SAMD5: variants seen among roughly 807,000 people sequenced by gnomAD.
SAMD5 encodes the protein sterile alpha motif domain-containing protein 5.
A neutral mutation model predicts 11.3 loss-of-function variants in SAMD5; 13 were observed. The observed-to-expected ratio is 1.15, with a 90% CI of 0.75 to 1.83. The LOEUF is 1.83. Among genes scored for constraint, SAMD5 ranks in the 40% most tolerant of loss-of-function variants. The probability of loss-of-function intolerance (pLI) is 0.00; values close to 1 mark genes in which losing one functional copy is unlikely to be tolerated. For synonymous variants in SAMD5, 129 were observed against 111.3 expected, an observed-to-expected ratio of 1.16 and a Z score of -1.00; for missense variants, 255 against 239.1, an observed-to-expected ratio of 1.07 and a Z score of -0.44.
intron 1 of SAMD5, among the ~76,000 whole-genome samples, chr6:147,537,594 T>C (rs1788530024): frequency 1.9e-5 from 2 of 105,834 alleles, no homozygotes; most frequent in South Asian, 5.6e-4. Context: ...CTACTAAAAA[T>C]ACAAAAAAAA....
intron 1 of SAMD5, among the ~76,000 whole-genome samples, chr6:147,595,937 T>C (rs1789525522): frequency 1.3e-5 from 2 of 152,186 alleles, no homozygotes; most frequent in South Asian, 2.1e-4. Flanking sequence ...CGTATTAGTA[T>C]TACTCTTATT....
the SAMD5 span, among the ~76,000 whole-genome samples, chr6:147,915,666 G>A: frequency 3.9e-5 from 6 of 152,116 alleles, no homozygotes; most frequent in Non-Finnish European, 5.9e-5. Flanking sequence ...TTAGGTTATC[G>A]TTACATCAAC....
intron 1 of SAMD5, among the ~76,000 whole-genome samples, chr6:147,643,887 A>C (rs1252887612): frequency 6.6e-6 from 1 of 152,160 alleles, no homozygotes; most frequent in East Asian, 1.9e-4. Flanking sequence ...GGAAAGAAAG[A>C]AATGATAAGT....
At chr6:147,899,063 C>T in the SAMD5 span, among the ~76,000 whole-genome samples, 2 of 150,284 alleles carry the variant, frequency 1.3e-5, no homozygotes, top group East Asian at 3.9e-4. Context: ...CACCTGTAGT[C>T]CCAGCTACTT....
chr6:147,808,265 C>A, the SAMD5 span, among the ~76,000 whole-genome samples: 1 of 152,216 alleles, frequency 6.6e-6, no homozygotes, highest in Non-Finnish European at 1.5e-5. Context: ...TGCAGTGATG[C>A]AACCATTGCT....
At chr6:147,605,965 G>A (rs1214252660) in intron 1 of SAMD5, among the ~76,000 whole-genome samples, 1 of 151,984 alleles carries the variant, frequency 6.6e-6, no homozygotes, top group Non-Finnish European at 1.5e-5. Context: ...TGGCACACAA[G>A]ATACAGCAGA....
chr6:147,928,026 G>C, the SAMD5 span, among the ~76,000 whole-genome samples: 1 of 152,096 alleles, frequency 6.6e-6, no homozygotes, highest in Admixed American at 6.6e-5. Context: ...CTACTTGATC[G>C]TGGTGGATAA....
chr6:147,858,028 G>T, the SAMD5 span, among the ~76,000 whole-genome samples: 2 of 152,148 alleles, frequency 1.3e-5, no homozygotes, highest in South Asian at 4.1e-4. Flanking sequence ...CACTCAGGGT[G>T]CTCTCAGAGG....
At chr6:147,665,903 T>C (rs576317207) in intron 1 of SAMD5, among the ~76,000 whole-genome samples, 19 of 152,348 alleles carry the variant, frequency 1.2e-4, no homozygotes, top group African/African-American at 4.3e-4. Flanking sequence ...GTTATTTTTT[T>C]CCCCATTTAA....
intron 1 of SAMD5, among the ~76,000 whole-genome samples, chr6:147,673,419 T>C: frequency 6.6e-6 from 1 of 152,144 alleles, no homozygotes; most frequent in East Asian, 1.9e-4. Context: ...TTCACTGTGT[T>C]AGCCAGGATG....
the SAMD5 span, among the ~76,000 whole-genome samples, chr6:147,858,047 T>C: frequency 6.6e-6 from 1 of 152,218 alleles, no homozygotes; most frequent in Non-Finnish European, 1.5e-5. Context: ...GGCATTTTTG[T>C]GGCTGCCGGC....
the SAMD5 span, among the ~76,000 whole-genome samples, chr6:147,859,174 C>T: frequency 2.0e-5 from 3 of 152,046 alleles, no homozygotes; most frequent in Admixed American, 1.3e-4. Context: ...TTCCATGTCC[C>T]CAAGTGGAGC....
At chr6:147,664,280 TG>T (rs1467685720) in intron 1 of SAMD5, among the ~76,000 whole-genome samples, 1 of 152,202 alleles carries the variant, frequency 6.6e-6, no homozygotes, top group Admixed American at 6.5e-5. Flanking sequence ...TGCTTTAATT[TG>T]TACTCAGCAG....
At chr6:147,795,951 A>C in the SAMD5 span, among the ~76,000 whole-genome samples, 2 of 150,836 alleles carry the variant, frequency 1.3e-5, no homozygotes, top group African/African-American at 4.9e-5. Flanking sequence ...AGTTCATTGT[A>C]GATTCTGGAT....
At chr6:147,538,149 C>T (rs1165522027) in intron 1 of SAMD5, among the ~76,000 whole-genome samples, 1 of 152,030 alleles carries the variant, frequency 6.6e-6, no homozygotes, top group Admixed American at 6.6e-5. Context: ...ACACATGGGC[C>T]CAGATTCTGG....
chr6:147,673,961 A>G (rs1450744227), intron 1 of SAMD5, among the ~76,000 whole-genome samples: 1 of 152,242 alleles, frequency 6.6e-6, no homozygotes, highest in Non-Finnish European at 1.5e-5. Context: ...AGGCAATTTT[A>G]AGCTCTGTGA....
chr6:147,508,724 C>A lies in SAMD5; in HGVS notation c.-205C>A, dbSNP rs967115789. Among the ~76,000 whole-genome samples, 1 of 152,198 alleles carries A rather than the reference C, an allele frequency of 6.6e-6. No individual in the cohort carries two copies. The highest frequency in any genetic ancestry group is 1.5e-5 in the Non-Finnish European group (1 of 68,026). ...GAGCTCCGCTGCTGCTTGGGGAATTCACTTTGCTGCTTGTTCGCTTCTCCC... is the reference window on the plus strand; with the variant it reads ...GAGCTCCGCTGCTGCTTGGGGAATTAACTTTGCTGCTTGTTCGCTTCTCCC... On this transcript the variant is annotated 5_prime_UTR_variant, in exon 1 of 2. Coordinates refer to ENST00000367474, the MANE Select transcript of SAMD5 (RefSeq NM_001030060.3).
At chr6:147,524,334 T>C (rs1788302666) in intron 1 of SAMD5, among the ~76,000 whole-genome samples, 1 of 152,116 alleles carries the variant, frequency 6.6e-6, no homozygotes. Flanking sequence ...TAGCTGGTTT[T>C]GGATGAGCAT....
chr6:147,544,606 T>C (rs888050910), intron 1 of SAMD5, among the ~76,000 whole-genome samples: 2 of 152,164 alleles, frequency 1.3e-5, no homozygotes, highest in Admixed American at 1.3e-4. Context: ...AGGAGATTCA[T>C]TTATGCTGAC....
Sources: allele counts gnomAD v4.1 joint callset (sites outside exome capture counted in the v4.1 genomes callset), GRCh38; gene constraint gnomAD v4.1.1; transcripts MANE v1.5; gene names NCBI Gene and HGNC (gene_info 2026-07-23, HGNC 2026-07-21).